FAM171A1: variants seen among roughly 807,000 people sequenced by gnomAD.
FAM171A1 encodes the protein protein FAM171A1.
Under a neutral mutation model 74.9 loss-of-function variants are expected in FAM171A1, and 23 were observed. That is an observed-to-expected ratio of 0.31 (90% CI 0.22 to 0.44). The LOEUF (loss-of-function observed/expected upper bound fraction) is 0.44. Ranked by LOEUF, FAM171A1 falls within the 20% of genes least tolerant of loss-of-function variation. The pLI is 1.00. For missense variants in FAM171A1, 1,162 were observed against 1,159.2 expected, an observed-to-expected ratio of 1.00 and a Z score of -0.03; for synonymous variants, 527 against 505.7, an observed-to-expected ratio of 1.04 and a Z score of -0.57.
intron 5 of FAM171A1, among the ~76,000 whole-genome samples, chr10:15,234,864 G>C (rs1834262705): frequency 6.6e-6 from 1 of 151,862 alleles, no homozygotes; most frequent in Admixed American, 6.6e-5. Context: ...GGGTTTCACT[G>C]TGTTAGCCAG....
chr10:15,239,980 A>T (rs147342328), intron 5 of FAM171A1, among the ~76,000 whole-genome samples: 6 of 152,338 alleles, frequency 3.9e-5, no homozygotes, highest in Non-Finnish European at 8.8e-5. Flanking sequence ...TGGACCTTAA[A>T]AAGTTTTGGA....
intron 3 of FAM171A1, among the ~76,000 whole-genome samples, chr10:15,259,276 C>G (rs1440179831): frequency 6.6e-6 from 1 of 152,210 alleles, no homozygotes; most frequent in East Asian, 1.9e-4. Flanking sequence ...TTACCTTATA[C>G]TGCCTCTCAC....
At chr10:15,274,807 T>C (rs911967042) in intron 3 of FAM171A1, among the ~76,000 whole-genome samples, 1 of 152,104 alleles carries the variant, frequency 6.6e-6, no homozygotes, top group Admixed American at 6.6e-5. Flanking sequence ...ATTTAATAAA[T>C]AGTGCTGCAG....
chr10:15,299,420 T>C (rs954561568), intron 1 of FAM171A1, among the ~76,000 whole-genome samples: 17 of 152,200 alleles, frequency 1.1e-4, no homozygotes, highest in Non-Finnish European at 2.5e-4. Context: ...GGGGGAAAGA[T>C]TCTGTGTGTC....
chr10:15,244,091 C>T (rs949494776), intron 5 of FAM171A1, among the ~76,000 whole-genome samples: 7 of 152,202 alleles, frequency 4.6e-5, no homozygotes, highest in South Asian at 2.1e-4. Flanking sequence ...TGGTAGCTCA[C>T]GCCTGTCATC....
intron 1 of FAM171A1, among the ~76,000 whole-genome samples, chr10:15,344,546 C>A (rs1588563915): frequency 6.6e-6 from 1 of 152,016 alleles, no homozygotes; most frequent in Non-Finnish European, 1.5e-5. Context: ...CTGTTTCCAA[C>A]AACAAAAAAA....
intron 3 of FAM171A1, among the ~76,000 whole-genome samples, chr10:15,275,455 TA>T (rs1359538133): frequency 6.6e-6 from 1 of 151,544 alleles, no homozygotes; most frequent in Non-Finnish European, 1.5e-5. Flanking sequence ...CCTGGCTAAA[TA>T]TTTTTTTTTT....
intron 5 of FAM171A1, among the ~76,000 whole-genome samples, chr10:15,243,749 G>A (rs1013980608): frequency 1.3e-5 from 2 of 152,056 alleles, no homozygotes; most frequent in African/African-American, 4.8e-5. Flanking sequence ...CTTTTATAAC[G>A]TGTACATATA....
intron 6 of FAM171A1, among the ~76,000 whole-genome samples, chr10:15,219,156 C>G (rs1469775968): frequency 6.6e-6 from 1 of 152,084 alleles, no homozygotes; most frequent in Non-Finnish European, 1.5e-5. Context: ...GCGGCGGAGA[C>G]CTGTAATCTC....
chr10:15,330,966 T>C (rs1423511263), intron 1 of FAM171A1, among the ~76,000 whole-genome samples: 1 of 152,024 alleles, frequency 6.6e-6, no homozygotes, highest in Non-Finnish European at 1.5e-5. Context: ...CTCGGCTCAC[T>C]GCAACCTCTG....
At chr10:15,249,892 A>C (rs1303913545) in intron 4 of FAM171A1, among the ~76,000 whole-genome samples, 1 of 152,248 alleles carries the variant, frequency 6.6e-6, no homozygotes, top group South Asian at 2.1e-4. Flanking sequence ...AATATCGCAC[A>C]AACTGTGTTG....
chr10:15,278,081 A>G (rs899710158), intron 2 of FAM171A1, among the ~76,000 whole-genome samples: 8 of 152,136 alleles, frequency 5.3e-5, no homozygotes, highest in African/African-American at 1.7e-4. Flanking sequence ...TTAGTGCCAT[A>G]GGGCACCAGT....
upstream of FAM171A1, among the ~76,000 whole-genome samples, chr10:15,372,953 C>A (rs1836167697): frequency 2.6e-5 from 4 of 152,096 alleles, no homozygotes; most frequent in Non-Finnish European, 5.9e-5. Flanking sequence ...AAATCCACTC[C>A]AGACCCATCA....
intron 1 of FAM171A1, among the ~76,000 whole-genome samples, chr10:15,327,522 G>A (rs1835570469): frequency 6.6e-6 from 1 of 152,108 alleles, no homozygotes; most frequent in South Asian, 2.1e-4. Context: ...GTGCTAGCAC[G>A]TGCCTATAAT....
chr10:15,320,236 C>T (rs1192732960), intron 1 of FAM171A1, among the ~76,000 whole-genome samples: 1 of 152,176 alleles, frequency 6.6e-6, no homozygotes, highest in Non-Finnish European at 1.5e-5. Flanking sequence ...GTTTCCTGTT[C>T]CTGCATTAAT....
In FAM171A1 at chr10:15,363,452, T is replaced by A. The variant is rs573144367; in HGVS notation, c.97+7504A>T. On this transcript the variant is annotated intron_variant, in intron 1 of 7. Coordinates refer to ENST00000378116, the MANE Select transcript of FAM171A1 (RefSeq NM_001010924.2). ...ATGAATGAATACTATGTCTAAGCTA[T>A]GAGAGAGAGACAAAGATGCTACCTT... Among the ~76,000 whole-genome samples, 6 of 152,294 alleles carry A rather than the reference T, an allele frequency of 3.9e-5. No individual in the cohort carries two copies. The East Asian group carries it at 1.2e-3, about 29-fold the overall frequency.
intron 5 of FAM171A1, among the ~76,000 whole-genome samples, chr10:15,232,821 C>T (rs545976568): frequency 6.6e-6 from 1 of 152,284 alleles, no homozygotes; most frequent in South Asian, 2.1e-4. Flanking sequence ...CTCCCCCTTC[C>T]CTAGGATGTC....
chr10:15,259,281 T>C (rs1408221221), intron 3 of FAM171A1, among the ~76,000 whole-genome samples: 1 of 152,194 alleles, frequency 6.6e-6, no homozygotes, highest in Admixed American at 6.5e-5. Flanking sequence ...TTATACTGCC[T>C]CTCACCTCAA....
intron 1 of FAM171A1, among the ~76,000 whole-genome samples, chr10:15,312,175 C>T (rs1458964367): frequency 6.6e-6 from 1 of 152,146 alleles, no homozygotes; most frequent in Non-Finnish European, 1.5e-5. Flanking sequence ...CGGACCAGAT[C>T]GGGTCATCGA....
Sources: allele counts gnomAD v4.1 joint callset (sites outside exome capture counted in the v4.1 genomes callset), GRCh38; gene constraint gnomAD v4.1.1; transcripts MANE v1.5; gene names NCBI Gene and HGNC (gene_info 2026-07-23, HGNC 2026-07-21).